PTPRR: variants seen among roughly 807,000 people sequenced by gnomAD.
PTPRR encodes receptor-type tyrosine-protein phosphatase R.
In PTPRR, 38 loss-of-function variants were observed where a neutral mutation model predicts 77.2. The observed-to-expected ratio is 0.49, with a 90% CI of 0.38 to 0.65. The LOEUF is 0.65. Ranked by LOEUF, PTPRR falls within the 30% of genes least tolerant of loss-of-function variation. The pLI is 0.00. For synonymous variants in PTPRR, 299 were observed against 283.1 expected, an observed-to-expected ratio of 1.06 and a Z score of -0.57; for missense variants, 744 against 799.2, an observed-to-expected ratio of 0.93 and a Z score of 0.83.
intron 8 of PTPRR, among the ~76,000 whole-genome samples, chr12:70,692,833 C>T (rs985125815): frequency 2.6e-5 from 4 of 152,090 alleles, no homozygotes; most frequent in African/African-American, 9.7e-5. Flanking sequence ...TATTTATCAT[C>T]TTGTATTTTA....
intron 4 of PTPRR, among the ~76,000 whole-genome samples, chr12:70,759,754 A>G (rs1032354326): frequency 6.6e-6 from 1 of 151,196 alleles, no homozygotes; most frequent in African/African-American, 2.4e-5. Flanking sequence ...AGCATGAAGG[A>G]AGGAGAGAAT....
At chr12:70,915,934 A>C (rs1893768764) in intron 1 of PTPRR, among the ~76,000 whole-genome samples, 1 of 152,174 alleles carries the variant, frequency 6.6e-6, no homozygotes, top group Non-Finnish European at 1.5e-5. Flanking sequence ...TATGTCAGGA[A>C]CTGCCCCCAG....
At chr12:70,803,205 C>T (rs1052115766) in intron 2 of PTPRR, among the ~76,000 whole-genome samples, 2 of 152,148 alleles carry the variant, frequency 1.3e-5, no homozygotes, top group African/African-American at 2.4e-5. Context: ...CTCTGAAGCG[C>T]TCCGGGGGGC....
chr12:70,703,244 G>A (rs538641161), intron 6 of PTPRR, among the ~76,000 whole-genome samples: 3 of 152,048 alleles, frequency 2.0e-5, no homozygotes, highest in East Asian at 3.9e-4. Flanking sequence ...CTCACATCTG[G>A]CTTTAAAAAA....
intron 13 of PTPRR, among the ~76,000 whole-genome samples, chr12:70,648,188 T>A (rs1213718256): frequency 2.0e-5 from 3 of 152,232 alleles, no homozygotes; most frequent in Non-Finnish European, 4.4e-5. Context: ...GGTTTTGGAT[T>A]CTTCCTTTAG....
chr12:70,737,420 C>A (rs1029841674), intron 6 of PTPRR, among the ~76,000 whole-genome samples: 1 of 151,970 alleles, frequency 6.6e-6, no homozygotes, highest in Admixed American at 6.6e-5. Flanking sequence ...AGATTCTGGG[C>A]CCCATTTTTA....
chr12:70,743,538 G>A (rs767315328), intron 6 of PTPRR, among the ~76,000 whole-genome samples: 3 of 152,152 alleles, frequency 2.0e-5, no homozygotes, highest in Non-Finnish European at 4.4e-5. Context: ...GAAGGTAGAG[G>A]AGGAAAACTG....
chr12:70,698,523 G>A (rs1048244870), intron 7 of PTPRR, among the ~76,000 whole-genome samples, 174 bp from the exon 8 acceptor site: 1 of 152,092 alleles, frequency 6.6e-6, no homozygotes, highest in East Asian at 1.9e-4. Context: ...AGCTGCATCC[G>A]GACAAGCTGA....
intron 10 of PTPRR, among the ~76,000 whole-genome samples, chr12:70,678,180 A>G (rs1566062155): frequency 6.6e-6 from 1 of 152,112 alleles, no homozygotes. Context: ...AGCTGGGATT[A>G]TAGGCACGCA....
intron 2 of PTPRR, among the ~76,000 whole-genome samples, chr12:70,855,889 A>G (rs1057474463): frequency 2.6e-5 from 4 of 152,154 alleles, no homozygotes; most frequent in African/African-American, 7.2e-5. Context: ...TTGCGATACA[A>G]TTGAAGCTAT....
chr12:70,877,638 AG>A (rs1419294329), intron 2 of PTPRR, among the ~76,000 whole-genome samples: 2 of 152,220 alleles, frequency 1.3e-5, no homozygotes, highest in Non-Finnish European at 2.9e-5. Context: ...GCTCACGGGT[AG>A]GAAGAATCAA....
chr12:70,675,541 T>C (rs1887413253), intron 10 of PTPRR, among the ~76,000 whole-genome samples: 1 of 152,040 alleles, frequency 6.6e-6, no homozygotes, highest in East Asian at 1.9e-4. Flanking sequence ...AACACAGAAA[T>C]ATTTTAACTT....
chr12:70,746,207 G>A lies in PTPRR; in HGVS notation c.739-121C>T, dbSNP rs1386437057. On this transcript the variant is annotated intron_variant, in intron 5 of 13. Transcript: ENST00000283228. ...AAGGCTTAACGATAAAGTAAACAAA[G>A]CCCTCTGAGAGATGATTTCTCAGTT... 4 of 916,702 alleles carry A rather than the reference G, an allele frequency of 4.4e-6. No individual in the cohort carries two copies. In the Admixed American group the frequency reaches 8.7e-5, roughly 20 times the overall value. 56.8% of individuals were successfully genotyped at this position (916,702 alleles called of 1,614,324 possible).
intron 6 of PTPRR, among the ~76,000 whole-genome samples, chr12:70,743,324 T>C (rs773091364): frequency 1.3e-5 from 2 of 152,070 alleles, no homozygotes; most frequent in Non-Finnish European, 2.9e-5. Context: ...AACTTGATAA[T>C]CGAGGATGTG....
intron 10 of PTPRR, among the ~76,000 whole-genome samples, chr12:70,679,895 A>G (rs1887592514): frequency 6.6e-6 from 1 of 151,998 alleles, no homozygotes; most frequent in South Asian, 2.1e-4. Flanking sequence ...TCCATTCAAG[A>G]TTATTACTGA....
In PTPRR at chr12:70,805,423, A is replaced by G. The variant is rs895663157; in HGVS notation, c.358-40645T>C. Among the ~76,000 whole-genome samples, 8 of 152,108 alleles carry G rather than the reference A, an allele frequency of 5.3e-5. No individual in the cohort carries two copies. In the South Asian group the frequency reaches 1.5e-3, roughly 28 times the overall value. On this transcript the variant is annotated intron_variant, in intron 2 of 13. Coordinates refer to ENST00000283228, the MANE Select transcript of PTPRR (RefSeq NM_002849.4). ...GTGATCATAGCTCCCTGAAGCCTGG[A>G]GTCAGCTATGATCCTGGGCTCCTGG...
intron 2 of PTPRR, among the ~76,000 whole-genome samples, chr12:70,828,935 T>C (rs1892163126): frequency 6.6e-6 from 1 of 152,166 alleles, no homozygotes; most frequent in Non-Finnish European, 1.5e-5. Flanking sequence ...AAACCTTCTA[T>C]ATTCCAGGCA....
intron 2 of PTPRR, among the ~76,000 whole-genome samples, chr12:70,860,257 A>G (rs1313803580): frequency 6.6e-6 from 1 of 152,132 alleles, no homozygotes; most frequent in African/African-American, 2.4e-5. Context: ...TGTGTAAAAT[A>G]TATTTTCAGT....
At chr12:70,918,271 A>G (rs919001729) in intron 1 of PTPRR, among the ~76,000 whole-genome samples, 2 of 152,246 alleles carry the variant, frequency 1.3e-5, no homozygotes, top group African/African-American at 4.8e-5. Context: ...GAAATTGGCA[A>G]GAGAACTATA....
Sources: allele counts gnomAD v4.1 joint callset (sites outside exome capture counted in the v4.1 genomes callset), GRCh38; gene constraint gnomAD v4.1.1; transcripts MANE v1.5; gene names NCBI Gene and HGNC (gene_info 2026-07-23, HGNC 2026-07-21).